The following CNTN5 variants were observed in gnomAD, a reference collection of about 807,000 sequenced individuals.
The protein encoded by CNTN5 is contactin-5.
In CNTN5, 77 loss-of-function variants were observed where a neutral mutation model predicts 129.1. The observed-to-expected ratio is 0.60, with a 90% CI of 0.50 to 0.72. The LOEUF is 0.72. Among genes scored for constraint, CNTN5 ranks in the 30% least tolerant of loss-of-function variants. The pLI is 0.00. For missense variants in CNTN5, 1,478 were observed against 1,328.8 expected (o/e 1.11, Z -1.75); for synonymous variants, 509 against 465.6 (o/e 1.09, Z -1.20).
At position 99,477,686 on chromosome 11, in the gene CNTN5, A is replaced by C. The variant is rs866103608; in HGVS notation, c.-70-78459A>C. Among the ~76,000 whole-genome samples the C allele has an allele frequency of 6.6e-5, 10 of 151,930 alleles. 1 individual carries two copies. The South Asian group carries it at 1.2e-3, about 19-fold the overall frequency. On this transcript the variant is annotated intron_variant, in intron 2 of 24. Transcript: ENST00000524871. ...GATCAGGGGCCGGGTGCAGTGGCTC[A>C]CACCTGTAATCCTAGCTCTTTGGGA...
chr11:99,260,147 T>C (rs1862563179), intron 1 of CNTN5, among the ~76,000 whole-genome samples: 1 of 151,824 alleles, frequency 6.6e-6, no homozygotes, highest in African/African-American at 2.4e-5. Context: ...TTTTGTAACA[T>C]CTGGGATTCC....
At chr11:99,225,765 T>C (rs1860650069) in intron 1 of CNTN5, among the ~76,000 whole-genome samples, 1 of 152,194 alleles carries the variant, frequency 6.6e-6, no homozygotes, top group Non-Finnish European at 1.5e-5. Flanking sequence ...AAAATATAGA[T>C]GAAATATAGC....
chr11:100,049,905 C>T (rs1250027131), intron 9 of CNTN5, among the ~76,000 whole-genome samples: 1 of 152,066 alleles, frequency 6.6e-6, no homozygotes, highest in East Asian at 1.9e-4. Context: ...CAGAGAAATG[C>T]AAATCAAAAC....
At chr11:99,768,904 A>G (rs1944849868) in intron 3 of CNTN5, among the ~76,000 whole-genome samples, 1 of 152,168 alleles carries the variant, frequency 6.6e-6, no homozygotes, top group African/African-American at 2.4e-5. Flanking sequence ...TGGATTTAAC[A>G]TCTATTGATG....
intron 15 of CNTN5, among the ~76,000 whole-genome samples, chr11:100,222,162 G>C (rs1024629147): frequency 1.3e-5 from 2 of 152,288 alleles, no homozygotes; most frequent in South Asian, 2.1e-4. Context: ...ATCTAAAAGA[G>C]AAGAATTGGG....
chr11:100,348,213 T>G (rs1368395581), intron 23 of CNTN5, among the ~76,000 whole-genome samples: 2 of 152,098 alleles, frequency 1.3e-5, no homozygotes, highest in Non-Finnish European at 2.9e-5. Flanking sequence ...TTTCTATGTC[T>G]TGATAACTTC....
chr11:99,462,110 G>A (rs1010558793), intron 2 of CNTN5, among the ~76,000 whole-genome samples: 1 of 151,976 alleles, frequency 6.6e-6, no homozygotes, highest in Non-Finnish European at 1.5e-5. Context: ...ATTATACAGC[G>A]CAGTTCTAGA....
chr11:99,717,470 TA>T (rs1158511224), intron 3 of CNTN5, among the ~76,000 whole-genome samples: 1 of 152,148 alleles, frequency 6.6e-6, no homozygotes, highest in East Asian at 1.9e-4. Context: ...TAAAAAAAGA[TA>T]AAAAATAAGA....
At chr11:100,163,283 TATAATTGTTTATA>T (rs766306070) in intron 13 of CNTN5, among the ~76,000 whole-genome samples, 4 of 151,816 alleles carry the variant, frequency 2.6e-5, no homozygotes, top group Non-Finnish European at 5.9e-5. Flanking sequence ...TTATTACACT[TATAATTGTTTATA>T]TTATATACAT....
At chr11:99,343,037 T>C (rs1320401227) in intron 2 of CNTN5, among the ~76,000 whole-genome samples, 2 of 152,168 alleles carry the variant, frequency 1.3e-5, no homozygotes, top group African/African-American at 4.8e-5. Flanking sequence ...ATTGCTATCA[T>C]TCAATAGTTG....
intron 9 of CNTN5, among the ~76,000 whole-genome samples, chr11:100,042,095 G>C (rs1362520355): frequency 2.0e-5 from 3 of 152,108 alleles, no homozygotes; most frequent in Admixed American, 2.0e-4. Flanking sequence ...CTCAAGAAGG[G>C]CCCAAGCTTT....
At chr11:99,067,043 T>G (rs146743018) in intron 1 of CNTN5, among the ~76,000 whole-genome samples, 77 of 152,280 alleles carry the variant, frequency 5.1e-4, no homozygotes, top group African/African-American at 1.8e-3. Flanking sequence ...TTCCCACTTA[T>G]TTTCCCTTTT....
In CNTN5 at chr11:99,044,107, A is replaced by G. The variant is rs76352573; in HGVS notation, c.-210+22837A>G. On this transcript the variant is annotated intron_variant, in intron 1 of 24. Coordinates refer to ENST00000524871, the MANE Select transcript of CNTN5 (RefSeq NM_014361.4). ...CCTAGTAGGTAAAGAACATGAAGTA[A>G]CAATCAAATTCTATTATGAGATATT... 7.9e-3 allele frequency among the ~76,000 whole-genome samples: 1,204 copies of G among 152,314 alleles called. 13 individuals are homozygous for G. Among genetic ancestry groups the G allele is most frequent in the East Asian group, 0.054 (282 of 5,180 alleles).
chr11:100,195,250 AG>A (rs1284151149), intron 15 of CNTN5, among the ~76,000 whole-genome samples: 1 of 152,026 alleles, frequency 6.6e-6, no homozygotes, highest in African/African-American at 2.4e-5. Context: ...ACATATCTAA[AG>A]AAAAAATACA....
chr11:99,778,258 T>C (rs1945193762), intron 3 of CNTN5, among the ~76,000 whole-genome samples: 1 of 151,780 alleles, frequency 6.6e-6, no homozygotes. Flanking sequence ...TTTTCAGACT[T>C]GTTCAGCTGA....
intron 7 of CNTN5, among the ~76,000 whole-genome samples, chr11:99,935,558 C>A (rs968695206): frequency 6.6e-6 from 1 of 151,450 alleles, no homozygotes; most frequent in Middle Eastern, 3.4e-3. Context: ...TAATAGAGAA[C>A]CGTGTGTGTG....
chr11:99,807,574 G>T (rs943035705), intron 3 of CNTN5, among the ~76,000 whole-genome samples: 3 of 152,126 alleles, frequency 2.0e-5, no homozygotes, highest in African/African-American at 7.2e-5. Flanking sequence ...GGAGTGCAGT[G>T]ACCTGATCTT....
intron 1 of CNTN5, among the ~76,000 whole-genome samples, chr11:99,291,663 T>A (rs940676734): frequency 6.6e-6 from 1 of 152,036 alleles, no homozygotes; most frequent in African/African-American, 2.4e-5. Context: ...GAAAAGTGAA[T>A]ACTTTGTTCT....
intron 1 of CNTN5, among the ~76,000 whole-genome samples, chr11:99,236,663 G>C (rs967763264): frequency 1.4e-4 from 22 of 152,152 alleles, no homozygotes; most frequent in Non-Finnish European, 3.1e-4. Context: ...GATTAGAAGA[G>C]TGGCCAAGTC....
Sources: gnomAD v4.1 joint callset for allele counts (sites outside exome capture counted in the v4.1 genomes callset) on GRCh38, gnomAD v4.1.1 for gene constraint, MANE v1.5 for transcripts, NCBI Gene and HGNC (gene_info 2026-07-23, HGNC 2026-07-21) for gene names.